The following COG6 variants were observed in gnomAD, a reference collection of about 807,000 sequenced individuals.
COG6 encodes conserved oligomeric Golgi complex subunit 6.
Under a neutral mutation model 88.8 loss-of-function variants are expected in COG6, and 74 were observed. The ratio of observed to expected loss-of-function variants is 0.83; its 90% CI spans 0.69 to 1.01. COG6 has a LOEUF of 1.01. COG6 is among the 50% of genes least tolerant of loss of function. COG6 has a pLI of 0.00. For missense variants in COG6, 800 were observed against 797.9 expected (o/e 1.00, Z -0.03); for synonymous variants, 286 against 278.7 (o/e 1.03, Z -0.26).
chr13:39,655,671 G>A lies in COG6; in HGVS notation c.-56G>A. 2 of 1,546,112 alleles carry A rather than the reference G, an allele frequency of 1.3e-6. No homozygotes were observed. Among genetic ancestry groups the A allele is most frequent in the Middle Eastern group, 1.7e-4 (1 of 5,942 alleles). ...TTTGCACATGCGCAATACTCGCGCT[G>A]CCTCCGTGGTCCCTGCCTGGCTGAG... On this transcript the variant is annotated 5_prime_UTR_variant, in exon 1 of 19. Transcript: ENST00000455146.
intron 18 of COG6, among the ~76,000 whole-genome samples, chr13:39,775,717 C>A (rs1469028807): frequency 6.6e-6 from 1 of 152,018 alleles, no homozygotes; most frequent in Non-Finnish European, 1.5e-5. Context: ...TGGAATCCAG[C>A]TACAGTAAAA....
intron 13 of COG6, among the ~76,000 whole-genome samples, chr13:39,710,247 T>A (rs1434335955): frequency 6.6e-6 from 1 of 152,176 alleles, no homozygotes; most frequent in Non-Finnish European, 1.5e-5. Context: ...GTTTTTTTGA[T>A]GCTTTTGAAA....
chr13:39,742,403 A>G (rs1394084562), intron 18 of COG6, among the ~76,000 whole-genome samples: 1 of 152,178 alleles, frequency 6.6e-6, no homozygotes, highest in Non-Finnish European at 1.5e-5. Context: ...AAAGGGATGG[A>G]GGAAGATCTA....
chr13:39,791,270 G>T (rs528297022), exon 19 of COG6: 3 of 151,794 alleles, frequency 2.0e-5, no homozygotes, highest in Non-Finnish European at 2.9e-5. Context: ...ATCTAGAATG[G>T]GTATTATTAT....
chr13:39,753,234 G>T (rs973108099), downstream of COG6, among the ~76,000 whole-genome samples: 4 of 152,150 alleles, frequency 2.6e-5, no homozygotes, highest in African/African-American at 9.7e-5. Context: ...CCTTACTCAA[G>T]AGGCTCAAGA....
intron 18 of COG6, among the ~76,000 whole-genome samples, chr13:39,775,483 T>A (rs2138181944): frequency 6.6e-6 from 1 of 152,312 alleles, no homozygotes; most frequent in African/African-American, 2.4e-5. Flanking sequence ...ACATCTGGGA[T>A]CCAGTCCTGA....
intron 18 of COG6, among the ~76,000 whole-genome samples, chr13:39,768,082 T>G (rs532936382): frequency 1.1e-4 from 17 of 151,734 alleles, no homozygotes; most frequent in African/African-American, 4.1e-4. Flanking sequence ...CTGCTCACAT[T>G]CATTTATGTA....
At chr13:39,705,106 A>G (rs1007164246) in intron 13 of COG6, among the ~76,000 whole-genome samples, 4 of 152,176 alleles carry the variant, frequency 2.6e-5, no homozygotes, top group African/African-American at 2.4e-5. Context: ...CTGTAGCTTT[A>G]TGAAGAAAAC....
At chr13:39,785,215 CTG>C (rs914129853) in intron 18 of COG6, among the ~76,000 whole-genome samples, 2 of 152,180 alleles carry the variant, frequency 1.3e-5, no homozygotes, top group African/African-American at 4.8e-5. Context: ...AACTGGAAAA[CTG>C]AGAATTTGTT....
chr13:39,682,035 G>T, intron 7 of COG6, 136 bp from the exon 8 acceptor site: 1 of 666,468 alleles, frequency 1.5e-6, no homozygotes, highest in Non-Finnish European at 2.7e-6. Flanking sequence ...ATTTTTGATT[G>T]GTGTATTCTC....
At chr13:39,722,965 C>T (rs557732158) in intron 15 of COG6, among the ~76,000 whole-genome samples, 11 of 152,104 alleles carry the variant, frequency 7.2e-5, no homozygotes, top group South Asian at 4.2e-4. Context: ...AAGTTGGGAG[C>T]GTGAGGAGGA....
intron 18 of COG6, among the ~76,000 whole-genome samples, chr13:39,772,155 T>C (rs1366987325): frequency 6.6e-6 from 1 of 152,202 alleles, no homozygotes; most frequent in Non-Finnish European, 1.5e-5. Context: ...TGAACACATC[T>C]TGTGTTTCAT....
intron 1 of COG6, among the ~76,000 whole-genome samples, chr13:39,658,777 C>G (rs1467565011): frequency 6.6e-6 from 1 of 152,158 alleles, no homozygotes; most frequent in Non-Finnish European, 1.5e-5. Context: ...TCAAAGTCAC[C>G]TCAGAGAGGC....
chr13:39,772,024 G>A (rs1375438420), intron 18 of COG6, among the ~76,000 whole-genome samples: 1 of 152,184 alleles, frequency 6.6e-6, no homozygotes, highest in Non-Finnish European at 1.5e-5. Context: ...AAAGGCCTCA[G>A]CCTCCTTTCC....
At chr13:39,661,724 T>C (rs532637656) in intron 3 of COG6, among the ~76,000 whole-genome samples, 7 of 151,536 alleles carry the variant, frequency 4.6e-5, no homozygotes, top group South Asian at 2.1e-4. Flanking sequence ...TAAATAATTA[T>C]ATAATATATA....
intron 1 of COG6, chr13:39,656,096 G>C (rs554852940): frequency 2.9e-6 from 2 of 692,276 alleles, no homozygotes; most frequent in East Asian, 5.6e-5. Context: ...GGTTTCCTGG[G>C]TGTTCTCTCC....
At position 39,751,269 on chromosome 13, in the gene COG6, TG is replaced by T; in HGVS notation, c.*177del. The T allele has an allele frequency of 1.3e-6, 2 of 1,514,556 alleles. No homozygotes were observed. Among genetic ancestry groups the T allele is most frequent in the Non-Finnish European group, 1.8e-6 (2 of 1,135,216 alleles). 93.8% of individuals were successfully genotyped at this position (1,514,556 alleles called of 1,614,324 possible). On this transcript the variant is annotated 3_prime_UTR_variant, in exon 19 of 19. Coordinates refer to ENST00000455146, the MANE Select transcript of COG6 (RefSeq NM_020751.3). ...CTCAGTAACAGGGAAGTAAGTAACA[TG>T]TTGACCTGAGCTAGTATTGCTGTGT... is the stretch of plus-strand genomic sequence containing the variant.
rs778759821 is a variant in COG6, at chr13:39,719,831, A to C, written c.1584+4A>C. The C allele has an allele frequency of 1.6e-5, 26 of 1,604,866 alleles. No individual in the cohort carries two copies. Among genetic ancestry groups the C allele is most frequent in the Non-Finnish European group, 2.1e-5 (25 of 1,173,020 alleles). On this transcript the variant is annotated splice_donor_region_variant and intron_variant, in intron 15 of 18. Coordinates refer to ENST00000455146, the MANE Select transcript of COG6 (RefSeq NM_020751.3). ...TCTGGAAATGCTACAGTTTCAGGTA[A>C]ATTTTTCTATAAAATGACTATTGAC...
chr13:39,774,403 C>T (rs1039941382), intron 18 of COG6, among the ~76,000 whole-genome samples: 1 of 152,082 alleles, frequency 6.6e-6, no homozygotes, highest in Non-Finnish European at 1.5e-5. Flanking sequence ...AACTGATGCT[C>T]AAAAACTCTT....
Sources: gnomAD v4.1 joint callset for allele counts (sites outside exome capture counted in the v4.1 genomes callset) on GRCh38, gnomAD v4.1.1 for gene constraint, MANE v1.5 for transcripts, NCBI Gene and HGNC (gene_info 2026-07-23, HGNC 2026-07-21) for gene names.